SAMD12: variants seen among roughly 807,000 people sequenced by gnomAD.
The protein encoded by SAMD12 is sterile alpha motif domain containing 12.
In SAMD12, 9 loss-of-function variants were observed where a neutral mutation model predicts 15.0. That is an observed-to-expected ratio of 0.60 (90% CI 0.36 to 1.05). The LOEUF (loss-of-function observed/expected upper bound fraction) is 1.05, where lower values mean the gene tolerates loss of function less well. Among genes scored for constraint, SAMD12 ranks in the 50% least tolerant of loss-of-function variants. The probability of loss-of-function intolerance (pLI) is 0.01; values close to 1 mark genes in which losing one functional copy is unlikely to be tolerated. For synonymous variants in SAMD12, 86 were observed against 90.1 expected, an observed-to-expected ratio of 0.96 and a Z score of 0.25; for missense variants, 230 against 234.2, an observed-to-expected ratio of 0.98 and a Z score of 0.12.
intron 4 of SAMD12, among the ~76,000 whole-genome samples, chr8:118,355,644 C>T (rs560650340): frequency 1.3e-5 from 2 of 152,280 alleles, no homozygotes; most frequent in Admixed American, 1.3e-4. Context: ...ACTAAAAATC[C>T]TCTCTATCCT....
At chr8:118,215,098 C>A (rs961409161) in intron 4 of SAMD12, among the ~76,000 whole-genome samples, 5 of 152,140 alleles carry the variant, frequency 3.3e-5, no homozygotes, top group Admixed American at 3.3e-4. Flanking sequence ...AAGTTAAGGA[C>A]AAATCCCTCT....
At chr8:118,383,490 G>A (rs962146290) in intron 3 of SAMD12, among the ~76,000 whole-genome samples, 7 of 151,502 alleles carry the variant, frequency 4.6e-5, no homozygotes, top group Non-Finnish European at 8.8e-5. Flanking sequence ...AATGAAAAGG[G>A]GGGCTGCCAT....
intron 4 of SAMD12, among the ~76,000 whole-genome samples, chr8:118,359,397 C>T (rs1029458083): frequency 2.6e-5 from 4 of 152,132 alleles, no homozygotes; most frequent in Non-Finnish European, 5.9e-5. Context: ...ACCCAGTCTG[C>T]GGTAGTTTGC....
chr8:118,515,809 AG>A (rs914669107), intron 2 of SAMD12, among the ~76,000 whole-genome samples: 5 of 152,268 alleles, frequency 3.3e-5, no homozygotes, highest in Non-Finnish European at 7.4e-5. Context: ...TGCCCACAGG[AG>A]GCTGTGTTTA....
intron 3 of SAMD12, among the ~76,000 whole-genome samples, chr8:118,426,929 T>G (rs1215868421): frequency 2.0e-5 from 3 of 152,198 alleles, no homozygotes; most frequent in Non-Finnish European, 4.4e-5. Context: ...CAAAAATGCT[T>G]TCTGCAATTT....
chr8:118,175,562 C>T, the SAMD12 span, among the ~76,000 whole-genome samples: 15 of 152,200 alleles, frequency 9.9e-5, no homozygotes, highest in South Asian at 1.2e-3. Flanking sequence ...AGAGAACTTA[C>T]GGAATGGGAG....
At chr8:118,462,288 G>A (rs534409330) in intron 2 of SAMD12, among the ~76,000 whole-genome samples, 1 of 152,272 alleles carries the variant, frequency 6.6e-6, no homozygotes, top group African/African-American at 2.4e-5. Flanking sequence ...TAAAGGATAT[G>A]GTTATTCTGT....
chr8:118,441,470 G>A (rs1203558279), intron 2 of SAMD12, among the ~76,000 whole-genome samples: 4 of 150,746 alleles, frequency 2.7e-5, no homozygotes, highest in East Asian at 1.9e-4. Flanking sequence ...TTTTTTATTC[G>A]TATATTTCCA....
intron 3 of SAMD12, among the ~76,000 whole-genome samples, chr8:118,428,184 T>C (rs1273145269): frequency 6.6e-6 from 1 of 152,202 alleles, no homozygotes; most frequent in East Asian, 1.9e-4. Flanking sequence ...AGATATATAA[T>C]AAAAGTGCTT....
chr8:118,418,718 C>CA (rs545742157), intron 3 of SAMD12, among the ~76,000 whole-genome samples: 33,003 of 131,762 alleles, frequency 0.25, 3,933 homozygotes, highest in Admixed American at 0.38. Flanking sequence ...GACTCCGTCT[C>CA]AAAAAAAAAA....
chr8:118,401,225 G>A (rs1586669172), intron 3 of SAMD12, among the ~76,000 whole-genome samples: 1 of 152,280 alleles, frequency 6.6e-6, no homozygotes, highest in Admixed American at 6.5e-5. Context: ...TATTCCTAGA[G>A]TTCTCCCTTA....
intron 4 of SAMD12, among the ~76,000 whole-genome samples, chr8:118,351,102 G>T (rs1397600274): frequency 6.6e-6 from 1 of 152,150 alleles, no homozygotes; most frequent in Admixed American, 6.5e-5. Flanking sequence ...AGATCCTTAT[G>T]AGCTATATGG....
Position 118,379,211 on chromosome 8 carries a change from G to T in SAMD12, c.*206C>A. ...TACAGCTGGACTGTACAGTTGTGCA[G>T]GCTGCACATTATACAACTCTAGTGA... On this transcript the variant is annotated 3_prime_UTR_variant, in exon 4 of 4. Coordinates refer to ENST00000314727, the MANE Select transcript of SAMD12 (RefSeq NM_207506.3). The T allele has an allele frequency of 7.2e-7, 1 of 1,397,104 alleles. No individual in the cohort carries two copies. Among genetic ancestry groups the T allele is most frequent in the Non-Finnish European group, 9.3e-7 (1 of 1,077,276 alleles). The allele number at this position is 1,397,104 out of a possible 1,614,324, so 86.5% of individuals were successfully genotyped here.
the SAMD12 span, among the ~76,000 whole-genome samples, chr8:118,155,761 T>C: frequency 1.3e-5 from 2 of 152,208 alleles, no homozygotes; most frequent in African/African-American, 4.8e-5. Context: ...GTCCAGCTTC[T>C]AGGAGGATGA....
At chr8:118,370,769 C>T (rs1172614285) in intron 4 of SAMD12, among the ~76,000 whole-genome samples, 2 of 152,010 alleles carry the variant, frequency 1.3e-5, no homozygotes, top group Non-Finnish European at 2.9e-5. Flanking sequence ...GAACAACACA[C>T]ACTGGGGCCT....
At chr8:118,272,968 A>G (rs1404395300) in intron 4 of SAMD12, among the ~76,000 whole-genome samples, 3 of 152,172 alleles carry the variant, frequency 2.0e-5, no homozygotes, top group African/African-American at 7.2e-5. Context: ...AAATTGATCC[A>G]ACCTCTGCCT....
At chr8:118,294,843 T>C (rs1814622134) in intron 4 of SAMD12, among the ~76,000 whole-genome samples, 1 of 152,086 alleles carries the variant, frequency 6.6e-6, no homozygotes, top group Non-Finnish European at 1.5e-5. Context: ...ATTAATCTGA[T>C]TAACGGGAAT....
chr8:118,398,965 C>A (rs1454823474), intron 3 of SAMD12, among the ~76,000 whole-genome samples: 1 of 152,134 alleles, frequency 6.6e-6, no homozygotes, highest in African/African-American at 2.4e-5. Context: ...GTCACCGCAG[C>A]CTTGACCTCC....
At chr8:118,352,361 T>C (rs761503496) in intron 4 of SAMD12, among the ~76,000 whole-genome samples, 15 of 152,174 alleles carry the variant, frequency 9.9e-5, no homozygotes, top group Non-Finnish European at 1.8e-4. Context: ...GAGGAAATTC[T>C]TTCTATTAGG....
Sources: allele counts gnomAD v4.1 joint callset (sites outside exome capture counted in the v4.1 genomes callset), GRCh38; gene constraint gnomAD v4.1.1; transcripts MANE v1.5; gene names NCBI Gene and HGNC (gene_info 2026-07-23, HGNC 2026-07-21).